Variants in SYNPO2 observed in about 807,000 individuals in gnomAD.
SYNPO2 encodes synaptopodin 2.
A neutral mutation model predicts 85.0 loss-of-function variants in SYNPO2; 56 were observed. That is an observed-to-expected ratio of 0.66 (90% CI 0.53 to 0.82). SYNPO2 has a LOEUF of 0.82. Ranked by LOEUF, SYNPO2 falls within the 40% of genes least tolerant of loss-of-function variation. The probability of loss-of-function intolerance (pLI) is 0.00; values close to 1 mark genes in which losing one functional copy is unlikely to be tolerated. For synonymous variants in SYNPO2, 602 were observed against 591.1 expected (o/e 1.02, Z -0.27); for missense variants, 1,575 against 1,534.2 (o/e 1.03, Z -0.44).
intron 1 of SYNPO2, among the ~76,000 whole-genome samples, chr4:119,022,355 C>T (rs1220983593): frequency 2.6e-5 from 4 of 151,978 alleles, no homozygotes; most frequent in African/African-American, 7.3e-5. Flanking sequence ...TGTTTTAAGA[C>T]GGGGTCTTGC....
At chr4:119,010,806 A>G (rs1275236954) in intron 1 of SYNPO2, among the ~76,000 whole-genome samples, 1 of 152,246 alleles carries the variant, frequency 6.6e-6, no homozygotes, top group Non-Finnish European at 1.5e-5. Context: ...CAGTTAATAT[A>G]TAGTATAATT....
intron 1 of SYNPO2, among the ~76,000 whole-genome samples, chr4:118,983,974 T>G (rs1300871518): frequency 6.6e-6 from 1 of 152,222 alleles, no homozygotes; most frequent in Non-Finnish European, 1.5e-5. Flanking sequence ...CCCTTTGTCA[T>G]TTGTAAGTTG....
intron 1 of SYNPO2, among the ~76,000 whole-genome samples, chr4:118,919,822 A>G (rs1733475235): frequency 6.6e-6 from 1 of 152,226 alleles, no homozygotes; most frequent in South Asian, 2.1e-4. Context: ...GGAGTTGGCT[A>G]CAACCAGAGG....
intron 1 of SYNPO2, among the ~76,000 whole-genome samples, chr4:118,950,852 A>G (rs1424219918): frequency 1.3e-5 from 2 of 152,222 alleles, no homozygotes; most frequent in African/African-American, 2.4e-5. Context: ...TCAGATCCAT[A>G]AACTCGATTG....
At chr4:118,969,797 A>T (rs1224348717) in intron 1 of SYNPO2, among the ~76,000 whole-genome samples, 2 of 150,720 alleles carry the variant, frequency 1.3e-5, no homozygotes, top group Non-Finnish European at 3.0e-5. Context: ...GTAAAATATC[A>T]GTTATTGTTT....
upstream of SYNPO2, among the ~76,000 whole-genome samples, chr4:118,885,662 G>A (rs1732186881): frequency 6.6e-6 from 1 of 151,970 alleles, no homozygotes; most frequent in Admixed American, 6.6e-5. Flanking sequence ...TGGTAGAGAT[G>A]GGGTTTCACC....
rs146734818 is a variant in SYNPO2, at chr4:119,059,781, T to G, written c.*1847T>G. On this transcript the variant is annotated 3_prime_UTR_variant, in exon 5 of 5. Transcript: ENST00000307142. ...AGTAAAGAAATCACAGTAAGTTCTATTAGTGATGATAGAACCAGATATAAA... is the reference window on the plus strand; with the variant it reads ...AGTAAAGAAATCACAGTAAGTTCTAGTAGTGATGATAGAACCAGATATAAA... 2 of 152,138 alleles carry G rather than the reference T, an allele frequency of 1.3e-5. No individual in the cohort carries two copies. The highest frequency in any genetic ancestry group is 4.8e-5 in the African/African-American group (2 of 41,526). The allele number at this position is 152,138 out of a possible 1,614,324, so 9.4% of individuals were successfully genotyped here.
chr4:118,950,388 A>G lies in SYNPO2; in HGVS notation c.105+61247A>G, dbSNP rs142227250. ...TAGGGCCACACAGGACAGCCCAGGG[A>G]AACACCAGGGTCAGTCAGAAGCAGA... is the stretch of plus-strand genomic sequence containing the variant. On this transcript the variant is annotated intron_variant, in intron 1 of 4. Coordinates refer to ENST00000307142, the MANE Select transcript of SYNPO2 (RefSeq NM_133477.3). 1.7e-3 allele frequency among the ~76,000 whole-genome samples: 266 copies of G among 152,314 alleles called. 2 individuals carry two copies. Among genetic ancestry groups the G allele is most frequent in the African/African-American group, 5.9e-3 (247 of 41,564 alleles).
intron 1 of SYNPO2, among the ~76,000 whole-genome samples, chr4:119,015,583 C>A (rs968142151): frequency 2.0e-5 from 3 of 152,130 alleles, no homozygotes; most frequent in South Asian, 4.1e-4. Flanking sequence ...AATTCATTTC[C>A]TTTACTTTAT....
intron 1 of SYNPO2, among the ~76,000 whole-genome samples, chr4:118,960,065 T>G (rs1735024208): frequency 6.6e-6 from 1 of 152,160 alleles, no homozygotes; most frequent in Admixed American, 6.5e-5. Context: ...TGGAGTGATG[T>G]GGCCACAAGG....
intron 1 of SYNPO2, among the ~76,000 whole-genome samples, chr4:118,960,827 C>T (rs1466670743): frequency 2.0e-5 from 3 of 152,090 alleles, no homozygotes. Context: ...TGATTCTTTC[C>T]TTCTTCTTAC....
At chr4:118,857,156 C>T (rs1460215006) in intron 1 of SYNPO2, among the ~76,000 whole-genome samples, 1 of 152,098 alleles carries the variant, frequency 6.6e-6, no homozygotes, top group East Asian at 1.9e-4. Context: ...TCCATGAATG[C>T]TGTAACCCTT....
rs1343984161 is a variant in SYNPO2, at chr4:118,900,533, C to G, written c.105+11392C>G. Among the ~76,000 whole-genome samples the G allele has an allele frequency of 2.0e-5, 3 of 151,820 alleles. No homozygotes were observed. The East Asian group carries it at 5.8e-4, about 29-fold the overall frequency. ...TCCAGTATGGTTTAAATGTGAGTTT[C>G]TATAAAATTAATCATGACCTCCTGT... On this transcript the variant is annotated intron_variant, in intron 1 of 4. Coordinates refer to ENST00000307142, the MANE Select transcript of SYNPO2 (RefSeq NM_133477.3).
At chr4:118,914,599 T>C (rs1367925518) in intron 1 of SYNPO2, among the ~76,000 whole-genome samples, 4 of 152,110 alleles carry the variant, frequency 2.6e-5, no homozygotes, top group Non-Finnish European at 5.9e-5. Context: ...GAGGGTTTTT[T>C]TGTGATATTT....
At chr4:118,936,934 A>C (rs1261474113) in intron 1 of SYNPO2, among the ~76,000 whole-genome samples, 1 of 152,134 alleles carries the variant, frequency 6.6e-6, no homozygotes, top group African/African-American at 2.4e-5. Flanking sequence ...AGTCTTGTAC[A>C]TCAAATCTAC....
At chr4:118,974,937 C>G (rs527453120) in intron 1 of SYNPO2, among the ~76,000 whole-genome samples, 1 of 152,292 alleles carries the variant, frequency 6.6e-6, no homozygotes, top group Admixed American at 6.5e-5. Flanking sequence ...TCTAGTCCAT[C>G]CTACACACTG....
At position 118,871,846 on chromosome 4, in the gene SYNPO2, G is replaced by A. The variant is rs568281619; in HGVS notation, c.12+20906G>A. The stretch of plus-strand genomic sequence containing the variant: ...GGCCTCCCAAAGTGCTGGGATTACA[G>A]GCGTGAGCCACCGCACCTGGCCTAT... On this transcript the variant is annotated intron_variant, in intron 1 of 4. Transcript: ENST00000610556. Among the ~76,000 whole-genome samples the A allele has an allele frequency of 7.6e-4, 116 of 152,334 alleles. 1 individual carries two copies. The highest frequency in any genetic ancestry group is 2.6e-3 in the African/African-American group (110 of 41,568).
intron 1 of SYNPO2, among the ~76,000 whole-genome samples, chr4:119,016,015 T>C (rs1737511884): frequency 6.6e-6 from 1 of 152,200 alleles, no homozygotes; most frequent in Non-Finnish European, 1.5e-5. Flanking sequence ...TAGAATTGTA[T>C]AAAATTGATG....
rs114583674 is a variant in SYNPO2, at chr4:118,852,014, C to G, written c.12+1074C>G. On this transcript the variant is annotated intron_variant, in intron 1 of 4. Transcript: ENST00000610556. Reference sequence around the variant, plus strand: ...AAACCATAGCAAGAAAGTTTTCTAACTGTTATATTAAAATTCATTGGTCTA... The same window carrying G: ...AAACCATAGCAAGAAAGTTTTCTAAGTGTTATATTAAAATTCATTGGTCTA... 6.9e-3 allele frequency among the ~76,000 whole-genome samples: 1,053 copies of G among 152,174 alleles called. 13 individuals are homozygous for G. The highest frequency in any genetic ancestry group is 0.024 in the African/African-American group (981 of 41,496).
Sources: allele counts gnomAD v4.1 joint callset (sites outside exome capture counted in the v4.1 genomes callset), GRCh38; gene constraint gnomAD v4.1.1; transcripts MANE v1.5; gene names NCBI Gene and HGNC (gene_info 2026-07-23, HGNC 2026-07-21).